Variants in RSPO3 observed in about 807,000 individuals in gnomAD.
The protein encoded by RSPO3 is R-spondin 3, also known as R-spondin-3.
Under a neutral mutation model 36.5 loss-of-function variants are expected in RSPO3, and 17 were observed. The observed-to-expected ratio is 0.47, with a 90% CI of 0.32 to 0.70. RSPO3 has a LOEUF of 0.70. Ranked by LOEUF, RSPO3 falls within the 30% of genes least tolerant of loss-of-function variation. RSPO3 has a pLI of 0.04. For missense variants in RSPO3, 294 were observed against 322.5 expected, an observed-to-expected ratio of 0.91 and a Z score of 0.68; for synonymous variants, 108 against 107.0, an observed-to-expected ratio of 1.01 and a Z score of -0.06.
chr6:127,133,741 G>T (rs1029085005), intron 1 of RSPO3, among the ~76,000 whole-genome samples: 2 of 152,198 alleles, frequency 1.3e-5, no homozygotes, highest in African/African-American at 2.4e-5. Flanking sequence ...AAGGAATCTT[G>T]TTAGGGGAAA....
In RSPO3 at chr6:127,197,338, G is replaced by A; in HGVS notation, c.*1331G>A. 1 of 1,502,264 alleles carries A rather than the reference G, an allele frequency of 6.7e-7. No individual in the cohort carries two copies. 93.1% of individuals were successfully genotyped at this position (1,502,264 alleles called of 1,614,324 possible). A position where few individuals can be genotyped will look rare whatever the true frequency, so the allele number is the denominator to read the frequency against. ...TGCTCCCCCTTCATTGCTTAGAAAT[G>A]GGCATCATTTCTTGTATGTCAGATC... On this transcript the variant is annotated 3_prime_UTR_variant, in exon 5 of 5. Transcript: ENST00000356698.
intron 3 of RSPO3, among the ~76,000 whole-genome samples, chr6:127,151,831 T>C (rs998817685): frequency 2.6e-5 from 4 of 152,024 alleles, no homozygotes; most frequent in Non-Finnish European, 5.9e-5. Flanking sequence ...AAGAAAGCAC[T>C]TCAAGTTCTT....
At chr6:127,119,519 G>T (rs1773794646) in intron 1 of RSPO3, among the ~76,000 whole-genome samples, 1 of 152,192 alleles carries the variant, frequency 6.6e-6, no homozygotes, top group South Asian at 2.1e-4. Flanking sequence ...CGGACGCGGC[G>T]CTAAGGTGGC....
intron 1 of RSPO3, among the ~76,000 whole-genome samples, chr6:127,129,147 T>C (rs2114544840): frequency 6.6e-6 from 1 of 152,212 alleles, no homozygotes; most frequent in East Asian, 1.9e-4. Context: ...GATTGACTAC[T>C]GGTGATCACT....
intron 1 of RSPO3, among the ~76,000 whole-genome samples, chr6:127,123,495 T>C (rs1303411662): frequency 3.9e-5 from 6 of 152,138 alleles, no homozygotes; most frequent in Non-Finnish European, 7.4e-5. Flanking sequence ...AACATCTAAA[T>C]GCAAGGAAAA....
intron 4 of RSPO3, among the ~76,000 whole-genome samples, chr6:127,189,138 C>G (rs534033006): frequency 2.0e-5 from 3 of 152,150 alleles, no homozygotes; most frequent in South Asian, 2.1e-4. Context: ...TATAATTATT[C>G]TTACTATTTT....
chr6:127,197,176 A>T lies in RSPO3; in HGVS notation c.*1169A>T, dbSNP rs1775531243. 4.9e-6 allele frequency: 2 copies of T among 410,384 alleles called. No individual in the cohort carries two copies. The highest frequency in any genetic ancestry group is 2.0e-5 in the African/African-American group (1 of 50,104). 25.4% of individuals were successfully genotyped at this position (410,384 alleles called of 1,614,324 possible). A position where few individuals can be genotyped will look rare whatever the true frequency, so the allele number is the denominator to read the frequency against. On this transcript the variant is annotated 3_prime_UTR_variant, in exon 5 of 5. Transcript: ENST00000356698. ...TTCAGAATATATTACATTTCTCAGT[A>T]ATATTTGTTTTTTGAATCCACCTTT...
intron 1 of RSPO3, among the ~76,000 whole-genome samples, chr6:127,147,028 T>C (rs954192163): frequency 2.0e-5 from 3 of 152,134 alleles, no homozygotes; most frequent in Admixed American, 6.6e-5. Flanking sequence ...CTGTGCCACT[T>C]TATGTGACTA....
chr6:127,169,640 A>T (rs4404786), intron 4 of RSPO3, among the ~76,000 whole-genome samples: 88 of 151,746 alleles, frequency 5.8e-4, no homozygotes, highest in Non-Finnish European at 3.4e-4. Flanking sequence ...GTGACTTTGC[A>T]GAAGTGACAT....
intron 4 of RSPO3, among the ~76,000 whole-genome samples, 171 bp from the exon 5 acceptor site, chr6:127,195,652 G>A (rs535066736): frequency 6.6e-6 from 1 of 152,072 alleles, no homozygotes; most frequent in South Asian, 2.1e-4. Flanking sequence ...CATTTACATT[G>A]TTTGGAATAT....
intron 4 of RSPO3, among the ~76,000 whole-genome samples, chr6:127,161,378 C>T (rs879270071): frequency 5.0e-5 from 5 of 99,948 alleles, no homozygotes; most frequent in Non-Finnish European, 8.4e-5. Flanking sequence ...AAAAGCTCTG[C>T]AGAAAATAAG....
chr6:127,157,131 T>C (rs1343961989), intron 4 of RSPO3, among the ~76,000 whole-genome samples: 4 of 152,140 alleles, frequency 2.6e-5, no homozygotes, highest in African/African-American at 7.2e-5. Flanking sequence ...ACATCTTAGA[T>C]TTTAAAAGTT....
At chr6:127,156,341 T>C (rs1024533218) in intron 4 of RSPO3, among the ~76,000 whole-genome samples, 1 of 152,162 alleles carries the variant, frequency 6.6e-6, no homozygotes, top group African/African-American at 2.4e-5. Flanking sequence ...AATAATATGA[T>C]CCTTTAGGGT....
chr6:127,196,127 C>T lies in RSPO3; in HGVS notation c.*120C>T, dbSNP rs1775510945. On this transcript the variant is annotated 3_prime_UTR_variant, in exon 5 of 5. Coordinates refer to ENST00000356698, the MANE Select transcript of RSPO3 (RefSeq NM_032784.5). ...GTCAGTTATTGCTCTGTCTAAACAA[C>T]ATTCCCAGTAGTTGCTATATTCTTC... is the stretch of plus-strand genomic sequence containing the variant. 2 of 768,006 alleles carry T rather than the reference C, an allele frequency of 2.6e-6. No individual in the cohort carries two copies. Among genetic ancestry groups the T allele is most frequent in the South Asian group, 7.4e-5 (2 of 26,884 alleles). The allele number at this position is 768,006 out of a possible 1,614,324, so 47.6% of individuals were successfully genotyped here.
intron 4 of RSPO3, among the ~76,000 whole-genome samples, chr6:127,155,891 T>TATATATACAC (rs1554221214): frequency 1.3e-5 from 2 of 150,628 alleles, no homozygotes; most frequent in South Asian, 4.2e-4. Context: ...TATATATATA[T>TATATATACAC]ACACACACAC....
At chr6:127,148,254 G>T (rs1774425565) in intron 1 of RSPO3, among the ~76,000 whole-genome samples, 1 of 151,866 alleles carries the variant, frequency 6.6e-6, no homozygotes, top group Non-Finnish European at 1.5e-5. Context: ...GTGTAAATGA[G>T]CACAAAATTA....
At chr6:127,127,509 T>A (rs908007680) in intron 1 of RSPO3, among the ~76,000 whole-genome samples, 2 of 152,142 alleles carry the variant, frequency 1.3e-5, no homozygotes, top group Admixed American at 1.3e-4. Context: ...ATAATAGTTA[T>A]TACTCAATAG....
intron 4 of RSPO3, among the ~76,000 whole-genome samples, chr6:127,174,647 C>G (rs1775012773): frequency 6.6e-6 from 1 of 151,680 alleles, no homozygotes. Context: ...ACTAGTCTTA[C>G]TCTGTTTTCC....
intron 4 of RSPO3, among the ~76,000 whole-genome samples, chr6:127,173,779 CA>C (rs1445696427): frequency 1.3e-5 from 2 of 151,770 alleles, no homozygotes; most frequent in East Asian, 3.9e-4. Context: ...TGGGAACACA[CA>C]ACTATATGGA....
Sources: gnomAD v4.1 joint callset for allele counts (sites outside exome capture counted in the v4.1 genomes callset) on GRCh38, gnomAD v4.1.1 for gene constraint, MANE v1.5 for transcripts, NCBI Gene and HGNC (gene_info 2026-07-23, HGNC 2026-07-21) for gene names.